SPATA16: variants seen among roughly 807,000 people sequenced by gnomAD.
SPATA16 encodes the protein spermatogenesis associated 16.
A neutral mutation model predicts 63.3 loss-of-function variants in SPATA16; 36 were observed. The ratio of observed to expected loss-of-function variants is 0.57; its 90% CI spans 0.44 to 0.75. The LOEUF (loss-of-function observed/expected upper bound fraction) is 0.75. Ranked by LOEUF, SPATA16 falls within the 30% of genes least tolerant of loss-of-function variation. The pLI is 0.00. For missense variants in SPATA16, 646 were observed against 679.3 expected (o/e 0.95, Z 0.54); for synonymous variants, 203 against 216.7 (o/e 0.94, Z 0.56).
intron 3 of SPATA16, among the ~76,000 whole-genome samples, chr3:173,041,081 G>C (rs560956912): frequency 6.6e-6 from 1 of 152,166 alleles, no homozygotes; most frequent in South Asian, 2.1e-4. Context: ...ATTTTTATAG[G>C]TGGATTTATT....
At chr3:173,082,371 A>G (rs547086063) in intron 2 of SPATA16, among the ~76,000 whole-genome samples, 3 of 152,306 alleles carry the variant, frequency 2.0e-5, no homozygotes, top group East Asian at 3.9e-4. Context: ...TGACTGTGGG[A>G]AGAAATGGCT....
chr3:172,958,052 A>G (rs527414726), intron 5 of SPATA16, among the ~76,000 whole-genome samples: 4 of 152,328 alleles, frequency 2.6e-5, no homozygotes, highest in African/African-American at 9.6e-5. Context: ...TCAACAAACT[A>G]TTGGATAATT....
At chr3:172,995,713 T>C (rs371700396) in intron 4 of SPATA16, among the ~76,000 whole-genome samples, 1 of 152,048 alleles carries the variant, frequency 6.6e-6, no homozygotes, top group South Asian at 2.1e-4. Context: ...TTAAACATAA[T>C]GGACTGAAAA....
chr3:173,025,029 G>A (rs1409695190), intron 3 of SPATA16, among the ~76,000 whole-genome samples: 1 of 150,784 alleles, frequency 6.6e-6, no homozygotes, highest in African/African-American at 2.4e-5. Flanking sequence ...ATTTAGGACA[G>A]CATTGTTCAA....
intron 7 of SPATA16, among the ~76,000 whole-genome samples, 166 bp downstream of exon 7, chr3:172,925,180 T>C (rs1577091533): frequency 6.6e-6 from 1 of 152,016 alleles, no homozygotes; most frequent in Admixed American, 6.6e-5. Context: ...CATTCCAGGA[T>C]TGTGTGTGTT....
At chr3:173,008,080 G>A (rs949451077) in intron 4 of SPATA16, among the ~76,000 whole-genome samples, 4 of 151,938 alleles carry the variant, frequency 2.6e-5, no homozygotes, top group African/African-American at 9.7e-5. Context: ...TTTCGAAAAC[G>A]AAAGACATGG....
intron 6 of SPATA16, among the ~76,000 whole-genome samples, chr3:172,942,680 T>C (rs1279462728): frequency 6.6e-6 from 1 of 152,146 alleles, no homozygotes; most frequent in Non-Finnish European, 1.5e-5. Flanking sequence ...ATTTTCAAGC[T>C]TGATCCAGGT....
intron 2 of SPATA16, among the ~76,000 whole-genome samples, chr3:173,116,351 A>G (rs1737899154): frequency 6.6e-6 from 1 of 152,196 alleles, no homozygotes; most frequent in South Asian, 2.1e-4. Flanking sequence ...AGTTTTGTAA[A>G]ATAAAATACG....
chr3:173,135,903 T>C (rs993628369), intron 1 of SPATA16, among the ~76,000 whole-genome samples: 1 of 152,192 alleles, frequency 6.6e-6, no homozygotes, highest in African/African-American at 2.4e-5. Flanking sequence ...CATTTGTGCC[T>C]TTTACCAAAT....
chr3:173,036,661 A>G (rs1735721182), intron 3 of SPATA16, among the ~76,000 whole-genome samples: 1 of 152,012 alleles, frequency 6.6e-6, no homozygotes, highest in Admixed American at 6.6e-5. Flanking sequence ...AATATTCAAG[A>G]TTATCTGAAA....
At chr3:173,137,265 C>T (rs1447263708) in intron 1 of SPATA16, among the ~76,000 whole-genome samples, 1 of 152,144 alleles carries the variant, frequency 6.6e-6, no homozygotes, top group Non-Finnish European at 1.5e-5. Flanking sequence ...CACCTCCCGC[C>T]CATTATATCC....
At position 172,916,242 on chromosome 3, in the gene SPATA16, T is replaced by C. The variant is rs927424935; in HGVS notation, c.1503+75A>G. ...TTTATTACCACAGGATTTTTTTTTT[T>C]TTTTTTCCCCAGACCATATCACTTT... On this transcript the variant is annotated intron_variant, in intron 9 of 10. Coordinates refer to ENST00000351008, the MANE Select transcript of SPATA16 (RefSeq NM_031955.6). 7 of 1,554,146 alleles carry C rather than the reference T, an allele frequency of 4.5e-6. No individual in the cohort carries two copies. In the African/African-American group the frequency reaches 8.2e-5, roughly 18 times the overall value.
At chr3:172,919,282 T>C (rs1389846850) in intron 8 of SPATA16, among the ~76,000 whole-genome samples, 2 of 152,196 alleles carry the variant, frequency 1.3e-5, no homozygotes, top group African/African-American at 4.8e-5. Flanking sequence ...TCCAGTAGCA[T>C]GTGAAATAAT....
At chr3:172,920,825 G>T (rs888278341) in intron 8 of SPATA16, among the ~76,000 whole-genome samples, 1 of 152,254 alleles carries the variant, frequency 6.6e-6, no homozygotes, top group South Asian at 2.1e-4. Flanking sequence ...CAGTATAAAT[G>T]TGATAATAAA....
chr3:173,117,114 C>T lies in SPATA16; in HGVS notation c.612+6G>A, dbSNP rs569200180. 5 of 1,613,588 alleles carry T rather than the reference C, an allele frequency of 3.1e-6. No individual in the cohort carries two copies. In the African/African-American group the frequency reaches 6.7e-5, roughly 22 times the overall value. On this transcript the variant is annotated splice_donor_region_variant and intron_variant, in intron 2 of 10. Transcript: ENST00000351008. ...TCACCAATCTATATTTTCTTTAATCCCATACCTCAAGTGCTGTTCTGAACT... is the reference window on the plus strand; with the variant it reads ...TCACCAATCTATATTTTCTTTAATCTCATACCTCAAGTGCTGTTCTGAACT...
At chr3:172,951,845 G>A (rs1420368312) in intron 6 of SPATA16, among the ~76,000 whole-genome samples, 1 of 152,180 alleles carries the variant, frequency 6.6e-6, no homozygotes, top group East Asian at 1.9e-4. Context: ...TAGTCTCCAA[G>A]TTTTAATGAT....
At chr3:173,077,160 CAAAA>C (rs1018945227) in intron 2 of SPATA16, among the ~76,000 whole-genome samples, 1 of 151,886 alleles carries the variant, frequency 6.6e-6, no homozygotes, top group African/African-American at 2.4e-5. Flanking sequence ...AAGGAAGAAA[CAAAA>C]AATAATTCTT....
At chr3:173,024,571 C>G (rs1735408710) in intron 3 of SPATA16, among the ~76,000 whole-genome samples, 1 of 150,190 alleles carries the variant, frequency 6.7e-6, no homozygotes, top group South Asian at 2.1e-4. Context: ...AATATTAAAG[C>G]CAAGGATTGA....
At chr3:172,928,162 C>T (rs987668833) in intron 6 of SPATA16, among the ~76,000 whole-genome samples, 6 of 152,090 alleles carry the variant, frequency 3.9e-5, no homozygotes, top group Admixed American at 3.9e-4. Context: ...GCCCAACACA[C>T]CCTCCCAAAG....
Sources: gnomAD v4.1 joint callset for allele counts (sites outside exome capture counted in the v4.1 genomes callset) on GRCh38, gnomAD v4.1.1 for gene constraint, MANE v1.5 for transcripts, NCBI Gene and HGNC (gene_info 2026-07-23, HGNC 2026-07-21) for gene names.